CPSF1: variants seen among roughly 807,000 people sequenced by gnomAD.
The protein encoded by CPSF1 is cleavage and polyadenylation specificity factor subunit 1.
Under a neutral mutation model 175.8 loss-of-function variants are expected in CPSF1, and 106 were observed. The observed-to-expected ratio is 0.60, with a 90% CI of 0.52 to 0.71. The LOEUF is 0.71. Among genes scored for constraint, CPSF1 ranks in the 30% least tolerant of loss-of-function variants. CPSF1 has a pLI of 0.00. For synonymous variants in CPSF1, 1,024 were observed against 858.3 expected (o/e 1.19, Z -3.37); for missense variants, 1,734 against 2,022.9 (o/e 0.86, Z 2.74).
intron 26 of CPSF1, chr8:144,395,877 G>A (rs1554863556): frequency 2.1e-6 from 1 of 486,416 alleles, no homozygotes. Flanking sequence ...GGGAGCCAGG[G>A]CTGCCCTCTT....
chr8:144,408,713 T>C (rs2116911683), intron 2 of CPSF1, among the ~76,000 whole-genome samples: 5 of 152,206 alleles, frequency 3.3e-5, no homozygotes, highest in Non-Finnish European at 5.9e-5. Flanking sequence ...GTATCTCTGC[T>C]ACCCAGCGCA....
intron 7 of CPSF1, 21 bp downstream of exon 7, chr8:144,400,650 G>A (rs2116877177): frequency 8.7e-6 from 14 of 1,600,338 alleles, no homozygotes; most frequent in African/African-American, 2.7e-5. Context: ...CAGTGCAGAG[G>A]GGCCTCCTTA....
In CPSF1 at chr8:144,398,290, C is replaced by T. The variant is rs2116848533; in HGVS notation, c.1894+12G>A. On this transcript the variant is annotated intron_variant, in intron 19 of 37. Transcript: ENST00000616140. ...GGCAGATGCCCAGGGCCCAACCACC[C>T]CCCCCACCTACCTCCTTCCAGCAGG... The T allele has an allele frequency of 2.6e-3, 3,871 of 1,512,330 alleles. 1,506 individuals carry two copies. The highest frequency in any genetic ancestry group is 2.9e-3 in the Non-Finnish European group (3,238 of 1,114,816). The allele number at this position is 1,512,330 out of a possible 1,614,324, so 93.7% of individuals were successfully genotyped here. A position where few individuals can be genotyped will look rare whatever the true frequency, so the allele number is the denominator to read the frequency against.
chr8:144,399,556 G>A lies in CPSF1; in HGVS notation c.1242+32C>T, dbSNP rs2116863927. 6 of 1,611,426 alleles carry A rather than the reference G, an allele frequency of 3.7e-6. No homozygotes were observed. Among genetic ancestry groups the A allele is most frequent in the African/African-American group, 1.3e-5 (1 of 74,900 alleles). On this transcript the variant is annotated intron_variant, in intron 12 of 37. Transcript: ENST00000616140. The surrounding 1 kb of genome is among the most constrained non-coding windows in gnomAD (Gnocchi z 6.4). ...CATGCCACAGCAGTGCCCACATGAA[G>A]GGTGGTGGCCCAATGGGCCCAGGAA...
Position 144,394,359 on chromosome 8 carries a change from C to A in CPSF1, c.3744+20G>T. On this transcript the variant is annotated intron_variant, in intron 32 of 37. Coordinates refer to ENST00000616140, the MANE Select transcript of CPSF1 (RefSeq NM_013291.3). Reference sequence around the variant, plus strand: ...GGGCGGGTACCCACCCAGACACGAGCACCGCCGCCACAGGTGTACCCGCGA... The same window carrying A: ...GGGCGGGTACCCACCCAGACACGAGAACCGCCGCCACAGGTGTACCCGCGA... 1 of 1,590,906 alleles carries A rather than the reference C, an allele frequency of 6.3e-7. No homozygotes were observed. The highest frequency in any genetic ancestry group is 2.3e-5 in the East Asian group (1 of 44,392).
At chr8:144,408,590 TAC>T (rs2116911250) in intron 2 of CPSF1, among the ~76,000 whole-genome samples, 383 of 152,320 alleles carry the variant, frequency 2.5e-3, no homozygotes, top group African/African-American at 8.7e-3. Context: ...CGACTGGAAA[TAC>T]ACAGTCTCCT....
chr8:144,399,161 G>A lies in CPSF1; in HGVS notation c.1434C>T (p.Ala478=), dbSNP rs2116859631. Residue 478 remains alanine (A), a synonymous_variant, in exon 15 of 38, where the codon GCC becomes GCT. Transcript: ENST00000616140. This position sits in a 1 kb window ranked among gnomAD's most constrained non-coding sequence, Gnocchi z 6.4. Reference sequence around the variant, plus strand: ...AGAGGAAGGCAGGCTCGCCCACGGCGGCATTGGCACAGGGTCCAATGTTCA... The same window carrying A: ...AGAGGAAGGCAGGCTCGCCCACGGCAGCATTGGCACAGGGTCCAATGTTCA... ...SILNIGPCAN[A]AVGEPAFLSE... 1.4e-5 allele frequency: 23 copies of A among 1,599,760 alleles called. No homozygotes were observed. The highest frequency in any genetic ancestry group is 1.1e-4 in the African/African-American group (8 of 74,616).
chr8:144,408,250 A>C (rs1554869704), intron 2 of CPSF1, among the ~76,000 whole-genome samples: 1 of 151,416 alleles, frequency 6.6e-6, no homozygotes, highest in African/African-American at 2.4e-5. Flanking sequence ...ATGTCTCTCC[A>C]CCCTCAACTG....
intron 4 of CPSF1, 52 bp from the exon 5 acceptor site, chr8:144,401,343 C>T (rs2116883858): frequency 1.4e-5 from 23 of 1,605,728 alleles, no homozygotes; most frequent in African/African-American, 1.1e-4. Flanking sequence ...CTGACAGTGT[C>T]GCCCCCGGCA....
Position 144,397,073 on chromosome 8 carries a change from G to A in CPSF1, c.2592+134C>T, listed in dbSNP as rs1222751749. On this transcript the variant is annotated intron_variant, in intron 23 of 37. Coordinates refer to ENST00000616140, the MANE Select transcript of CPSF1 (RefSeq NM_013291.3). The stretch of plus-strand genomic sequence containing the variant: ...TGGGAAGGGGCGGGGCTGTGAGGGA[G>A]ATGGGGTGGAGCCACGGGAAGGGGC... 4.3e-6 allele frequency: 4 copies of A among 928,452 alleles called. No individual in the cohort carries two copies. In the African/African-American group the frequency reaches 6.7e-5, roughly 16 times the overall value. 57.5% of individuals were successfully genotyped at this position (928,452 alleles called of 1,614,324 possible).
rs1278358790 is a variant in CPSF1 at position 144,398,612 on chromosome 8, T to G, written c.1665A>C (p.Thr555=). ...EEEDNPKGEG[T]EQEPSTTPEA... is the part of the protein sequence containing the mutation. ...CAGGGGTGGTGCTGGGTTCCTGCTC[T>G]GTGCCCTCCCCCTTGGGATTGTCCT... The change falls in exon 18 of 38, where the codon ACA becomes ACC. Residue 555 remains threonine (T), a synonymous_variant. Transcript: ENST00000616140. 8.1e-6 allele frequency: 13 copies of G among 1,613,826 alleles called. No individual in the cohort carries two copies. In the East Asian group the frequency reaches 2.9e-4, roughly 36 times the overall value.
rs1554862838 is a variant in CPSF1, at chr8:144,394,567, G to A, written c.3568-12C>T. The A allele has an allele frequency of 2.5e-6, 4 of 1,607,722 alleles. No individual in the cohort carries two copies. Among genetic ancestry groups the A allele is most frequent in the East Asian group, 4.5e-5 (2 of 44,644 alleles). On this transcript the variant is annotated splice_polypyrimidine_tract_variant and intron_variant, in intron 31 of 37. Coordinates refer to ENST00000616140, the MANE Select transcript of CPSF1 (RefSeq NM_013291.3). ...CTCCACAGGAAAATCTGGGGGCGAG[G>A]GCGAGGGTGAGCGGGCGCGGACGGG...
chr8:144,400,135 G>GCGCCCCC, intron 9 of CPSF1, 31 bp downstream of exon 9: 1 of 896,008 alleles, frequency 1.1e-6, no homozygotes, highest in Non-Finnish European at 1.6e-6. Flanking sequence ...CCGTCCCCGG[G>GCGCCCCC]CCCCCCCCGC....
chr8:144,400,135 G>GGGGCGCCCCCCCCCCCCCCCCCC, intron 9 of CPSF1, 31 bp downstream of exon 9: 3 of 896,012 alleles, frequency 3.3e-6, no homozygotes, highest in Non-Finnish European at 4.8e-6. Context: ...CCGTCCCCGG[G>GGGGCGCCCCCCCCCCCCCCCCCC]CCCCCCCCGC....
rs1554864384 is a variant in CPSF1, at chr8:144,397,479, C to T, written c.2385+8G>A. On this transcript the variant is annotated splice_region_variant and intron_variant, in intron 22 of 37. Transcript: ENST00000616140. The stretch of plus-strand genomic sequence containing the variant: ...ACCCGCTGGGCCACAGTGCAGGGCA[C>T]CACCTACCTCCATGGTGCCATTCTC... 1.3e-6 allele frequency: 2 copies of T among 1,596,666 alleles called. No homozygotes were observed. The highest frequency in any genetic ancestry group is 2.7e-5 in the African/African-American group (2 of 74,566).
chr8:144,408,538 G>A (rs1211124440), intron 2 of CPSF1, among the ~76,000 whole-genome samples: 2 of 152,092 alleles, frequency 1.3e-5, no homozygotes, highest in East Asian at 3.9e-4. Context: ...TCCTTCCCCC[G>A]ACAAACTCCC....
Position 144,396,342 on chromosome 8 carries a change from C to T in CPSF1, c.2979+6G>A, listed in dbSNP as rs782668475. ...CCAGTGCTGCTGGGAACCGGCCGGG[C>T]CCCACCTGTCTGTTGAAGTACAGGA... On this transcript the variant is annotated splice_donor_region_variant and intron_variant, in intron 26 of 37. Transcript: ENST00000616140. The T allele has an allele frequency of 1.3e-5, 20 of 1,580,716 alleles. No homozygotes were observed. In the South Asian group the frequency reaches 2.0e-4, roughly 16 times the overall value.
Position 144,394,700 on chromosome 8 carries a change from GC to G in CPSF1, c.3510del (p.Val1172Ter). 1 of 1,612,922 alleles carries G rather than the reference GC, an allele frequency of 6.2e-7. No individual in the cohort carries two copies. Among genetic ancestry groups the G allele is most frequent in the Non-Finnish European group, 8.5e-7 (1 of 1,179,738 alleles). On this transcript the variant is annotated frameshift_variant, in exon 31 of 38. Transcript: ENST00000616140. LOFTEE classifies it high-confidence loss of function. ...FKVLYEKEQKGPVTALCHCNG... is the reference protein window; with the variant it reads ...FKVLYEKEQKXPVTALCHCNG... Reference sequence around the variant, plus strand: ...TTGCAGTGGCACAGGGCGGTCACGGGCCCCTTCTGCTCCTTCTCGTAAAGGA... The same window carrying G: ...TTGCAGTGGCACAGGGCGGTCACGGGCCCTTCTGCTCCTTCTCGTAAAGGA...
rs782425527 is a variant in CPSF1, at chr8:144,393,903, T to G, written c.3995A>C (p.Asn1332Thr). 40 of 1,612,416 alleles carry G rather than the reference T, an allele frequency of 2.5e-5. 3 individuals are homozygous for G. The South Asian group carries it at 4.3e-4, about 17-fold the overall frequency. Residue 1332 changes from asparagine to threonine, a missense_variant, in exon 35 of 38, where the codon AAT becomes ACT. This residue lies in a region of CPSF1 where 323 missense variants were observed against 338.5 expected (regional missense o/e 0.95). Coordinates refer to ENST00000616140, the MANE Select transcript of CPSF1 (RefSeq NM_013291.3). Reference sequence around the variant, plus strand: ...CTCACCAAACCACGTGATGTGCTTATTCTCCCACACGACCGACTTTTTGCT... The same window carrying G: ...CTCACCAAACCACGTGATGTGCTTAGTCTCCCACACGACCGACTTTTTGCT... ...GLSKKSVVWE[N>T]KHITWFATLD...
Sources: allele counts gnomAD v4.1 joint callset (sites outside exome capture counted in the v4.1 genomes callset), GRCh38; gene constraint gnomAD v4.1.1; regional missense constraint gnomAD v4.1.1; non-coding constraint Gnocchi (gnomAD v3.1); transcripts MANE v1.5; gene names NCBI Gene and HGNC (gene_info 2026-07-23, HGNC 2026-07-21).